GRAMD2B: variants seen among roughly 807,000 people sequenced by gnomAD.
GRAMD2B encodes the protein GRAM domain-containing protein 2B.
In GRAMD2B, 41 loss-of-function variants were observed where a neutral mutation model predicts 59.2. The observed-to-expected ratio is 0.69, with a 90% confidence interval of 0.54 to 0.90. The LOEUF (loss-of-function observed/expected upper bound fraction) is 0.90, where lower values mean the gene tolerates loss of function less well. Among genes scored for constraint, GRAMD2B ranks in the 40% least tolerant of loss-of-function variants. The pLI is 0.00. For missense variants in GRAMD2B, 424 were observed against 500.5 expected, an observed-to-expected ratio of 0.85 and a Z score of 1.46; for synonymous variants, 161 against 182.7, an observed-to-expected ratio of 0.88 and a Z score of 0.96.
chr5:126,364,806 C>T (rs927270620), intron 1 of GRAMD2B, among the ~76,000 whole-genome samples: 1 of 152,170 alleles, frequency 6.6e-6, no homozygotes, highest in Non-Finnish European at 1.5e-5. Context: ...AACATCTTGG[C>T]CAGTGGTATG....
chr5:126,432,507 A>G (rs1258604860), intron 1 of GRAMD2B, among the ~76,000 whole-genome samples: 1 of 152,222 alleles, frequency 6.6e-6, no homozygotes, highest in African/African-American at 2.4e-5. Flanking sequence ...GAATTGCTAT[A>G]TATCGATAGT....
Position 126,423,573 on chromosome 5 carries a change from G to A in GRAMD2B, c.-34G>A. The A allele has an allele frequency of 6.2e-7, 1 of 1,602,328 alleles. No homozygotes were observed. Among genetic ancestry groups the A allele is most frequent in the Non-Finnish European group, 8.5e-7 (1 of 1,175,288 alleles). On this transcript the variant is annotated 5_prime_UTR_variant, in exon 1 of 14. Coordinates refer to ENST00000285689, the MANE Select transcript of GRAMD2B (RefSeq NM_023927.4). ...CGAGCCGGGGCAGAGCCAGGCGCGC[G>A]GAAGTCTGAAGGTGCCCTCCAGACA...
At chr5:126,372,027 C>T (rs1754802170) in intron 1 of GRAMD2B, among the ~76,000 whole-genome samples, 1 of 152,024 alleles carries the variant, frequency 6.6e-6, no homozygotes, top group African/African-American at 2.4e-5. Flanking sequence ...AGCAACTGTT[C>T]TCTGGTTCAA....
chr5:126,488,716 G>T, intron 12 of GRAMD2B, 83 bp from the exon 13 acceptor site: 1 of 942,886 alleles, frequency 1.1e-6, no homozygotes. Flanking sequence ...CCAATTTTCT[G>T]TTCAAATAAA....
upstream of GRAMD2B, among the ~76,000 whole-genome samples, chr5:126,366,734 G>A (rs1754452764): frequency 6.6e-6 from 1 of 151,748 alleles, no homozygotes; most frequent in Admixed American, 6.6e-5. Context: ...GCCAACCACA[G>A]GAATGTGGAT....
intron 1 of GRAMD2B, among the ~76,000 whole-genome samples, chr5:126,385,896 A>G (rs775127628): frequency 2.0e-5 from 3 of 152,176 alleles, no homozygotes; most frequent in Non-Finnish European, 4.4e-5. Context: ...GTAGAATCCC[A>G]TTTGTAGAAA....
chr5:126,429,759 G>T (rs531769948), intron 1 of GRAMD2B, among the ~76,000 whole-genome samples: 1 of 152,202 alleles, frequency 6.6e-6, no homozygotes, highest in East Asian at 1.9e-4. Flanking sequence ...TAAAGTGACC[G>T]TGAGGACTCT....
intron 8 of GRAMD2B, 74 bp downstream of exon 8, chr5:126,480,781 A>C (rs1771569507): frequency 9.8e-6 from 13 of 1,331,540 alleles, no homozygotes; most frequent in Non-Finnish European, 1.3e-5. Context: ...TGCTTACACC[A>C]TGACCAGGGT....
upstream of GRAMD2B, chr5:126,423,157 G>A (rs765727731): frequency 1.0e-6 from 1 of 997,948 alleles, no homozygotes; most frequent in Non-Finnish European, 1.2e-6. Flanking sequence ...TCTAGAGCCG[G>A]CTGCCCTCTA....
intron 5 of GRAMD2B, among the ~76,000 whole-genome samples, chr5:126,473,804 G>A (rs1770068143): frequency 6.6e-6 from 1 of 152,068 alleles, no homozygotes; most frequent in Non-Finnish European, 1.5e-5. Context: ...TAGGACAGCA[G>A]GCCTATAAAT....
chr5:126,388,507 A>G (rs1756391517), intron 1 of GRAMD2B, among the ~76,000 whole-genome samples: 1 of 152,140 alleles, frequency 6.6e-6, no homozygotes, highest in South Asian at 2.1e-4. Context: ...TAACAAACCT[A>G]TACAAGAAGC....
At position 126,485,701 on chromosome 5, in the gene GRAMD2B, T is replaced by C. The variant is rs1310887928; in HGVS notation, c.986T>C (p.Val329Ala). 1.2e-6 allele frequency: 2 copies of C among 1,611,738 alleles called. No homozygotes were observed. Among genetic ancestry groups the C allele is most frequent in the African/African-American group, 1.3e-5 (1 of 75,004 alleles). ...SLPVQGLSET[V>A]GILHKVKSQK... is the part of the protein sequence containing the mutation. The stretch of plus-strand genomic sequence containing the variant: ...CTCCCAACAGGTCTGTCAGAAACTG[T>C]TGGAATCTTACATAAAGTCAAGTCT... Residue 329 changes from valine to alanine, a missense_variant, in exon 11 of 14, where the codon GTT becomes GCT. By Grantham distance (64) the Val-to-Ala change is moderately conservative. Coordinates refer to ENST00000285689, the MANE Select transcript of GRAMD2B (RefSeq NM_023927.4).
intron 1 of GRAMD2B, among the ~76,000 whole-genome samples, chr5:126,441,628 A>G (rs896399789): frequency 6.6e-6 from 1 of 152,246 alleles, no homozygotes; most frequent in African/African-American, 2.4e-5. Context: ...AGGGAGAACT[A>G]TAAATAATAA....
chr5:126,418,359 T>A lies in GRAMD2B; in HGVS notation c.125+46792T>A, dbSNP rs561380996. 2.0e-5 allele frequency among the ~76,000 whole-genome samples: 3 copies of A among 152,348 alleles called. 1 individual carries two copies. Among genetic ancestry groups the A allele is most frequent in the Admixed American group, 2.0e-4 (3 of 15,300 alleles). On this transcript the variant is annotated intron_variant, in intron 1 of 8. Coordinates refer to the GRAMD2B transcript ENST00000506445. ...TTAATTCTTAAAAAATAACATGAAC[T>A]GGAAGAGTTTTTTTTACTGCTTCTG...
At chr5:126,475,674 C>T (rs1268193975) in intron 5 of GRAMD2B, among the ~76,000 whole-genome samples, 1 of 152,210 alleles carries the variant, frequency 6.6e-6, no homozygotes, top group Non-Finnish European at 1.5e-5. Flanking sequence ...AAATTAAAAG[C>T]TCATTTTGTG....
At chr5:126,452,123 C>G (rs1356002496) in intron 1 of GRAMD2B, among the ~76,000 whole-genome samples, 1 of 152,186 alleles carries the variant, frequency 6.6e-6, no homozygotes, top group African/African-American at 2.4e-5. Context: ...AATGGACTGA[C>G]ATTCTTGTAA....
At chr5:126,401,604 G>A (rs959751541) in intron 1 of GRAMD2B, among the ~76,000 whole-genome samples, 9 of 152,040 alleles carry the variant, frequency 5.9e-5, no homozygotes, top group African/African-American at 2.2e-4. Flanking sequence ...AAGAGAGAAA[G>A]ACCTTTACCA....
At chr5:126,414,522 A>C (rs1759095541) in intron 1 of GRAMD2B, among the ~76,000 whole-genome samples, 1 of 152,192 alleles carries the variant, frequency 6.6e-6, no homozygotes, top group South Asian at 2.1e-4. Context: ...GTAATGGCTC[A>C]GTCAGTCATG....
chr5:126,449,237 C>A (rs1307013047), intron 1 of GRAMD2B, among the ~76,000 whole-genome samples: 1 of 152,058 alleles, frequency 6.6e-6, no homozygotes, highest in Non-Finnish European at 1.5e-5. Context: ...TTCTTCTATC[C>A]CGTAAAAGTT....
Sources: gnomAD v4.1 joint callset for allele counts (sites outside exome capture counted in the v4.1 genomes callset) on GRCh38, gnomAD v4.1.1 for gene constraint, MANE v1.5 for transcripts, NCBI Gene and HGNC (gene_info 2026-07-23, HGNC 2026-07-21) for gene names.